Variants in MEGF6 observed in about 807,000 individuals in gnomAD.
The protein encoded by MEGF6 is multiple EGF like domains 6.
A neutral mutation model predicts 207.1 loss-of-function variants in MEGF6; 184 were observed. The ratio of observed to expected loss-of-function variants is 0.89; its 90% CI spans 0.79 to 1.00. The LOEUF is 1.00. Among genes scored for constraint, MEGF6 ranks in the 50% least tolerant of loss-of-function variants. The pLI is 0.00. For missense variants in MEGF6, 2,282 were observed against 2,202.9 expected (o/e 1.04, Z -0.72); for synonymous variants, 1,038 against 910.0 (o/e 1.14, Z -2.53).
intron 3 of MEGF6, among the ~76,000 whole-genome samples, chr1:3,592,175 C>T (rs1643989879): frequency 6.6e-6 from 1 of 152,220 alleles, no homozygotes; most frequent in Non-Finnish European, 1.5e-5. Flanking sequence ...TAGAGAGAGG[C>T]TGGCACGGTG....
At chr1:3,613,916 T>C (rs1314586634), upstream of MEGF6, among the ~76,000 whole-genome samples, 1 of 151,666 alleles carries the variant, frequency 6.6e-6, no homozygotes, top group Non-Finnish European at 1.5e-5. Context: ...TGCTGTGCTC[T>C]CCTGTCCCAG....
At chr1:3,498,936 G>A (rs981814067) in intron 24 of MEGF6, 110 bp from the exon 25 acceptor site, 10 of 1,454,620 alleles carry the variant, frequency 6.9e-6, no homozygotes, top group Non-Finnish European at 9.2e-6. Context: ...ACCTTGCAGG[G>A]GGCTGCCCCT....
chr1:3,496,202 G>A (rs1640599845), intron 29 of MEGF6, among the ~76,000 whole-genome samples, 184 bp from the exon 30 acceptor site: 1 of 152,206 alleles, frequency 6.6e-6, no homozygotes, highest in South Asian at 2.1e-4. Flanking sequence ...AGGCCTGCTG[G>A]GGGCCAGGCC....
rs1404363243 is a variant in MEGF6 at position 3,505,605 on chromosome 1, T to TC, written c.1919-50dup. 1.3e-5 allele frequency: 19 copies of TC among 1,492,474 alleles called. No homozygotes were observed. In the Admixed American group the frequency reaches 4.1e-4, roughly 32 times the overall value. The allele number at this position is 1,492,474 out of a possible 1,614,324, so 92.5% of individuals were successfully genotyped here. A position where few individuals can be genotyped will look rare whatever the true frequency, so the allele number is the denominator to read the frequency against. Reference sequence around the variant, plus strand: ...GGGGCTCCCGTCTGAAGCCCCACCCTCCCAGACCGCTTCCACCAGCCCTGG... The same window carrying TC: ...GGGGCTCCCGTCTGAAGCCCCACCCTCCCCAGACCGCTTCCACCAGCCCTGG... On this transcript the variant is annotated intron_variant, in intron 15 of 36. Coordinates refer to ENST00000356575, the MANE Select transcript of MEGF6 (RefSeq NM_001409.4).
chr1:3,601,522 G>A (rs1253699463), intron 2 of MEGF6, among the ~76,000 whole-genome samples: 1 of 152,182 alleles, frequency 6.6e-6, no homozygotes, highest in Non-Finnish European at 1.5e-5. Flanking sequence ...CAGCCCTCCT[G>A]GTACTGGGCC....
Position 3,493,621 on chromosome 1 carries a change from GCC to G in MEGF6, c.4387+148_4387+149del, listed in dbSNP as rs371844657. ...CCGCATGTCCCAGCAGCTGACTCCA[GCC>G]CCCCCAGGGGGCACAGTCCAGGTGC... On this transcript the variant is annotated intron_variant, in intron 34 of 36. Transcript: ENST00000356575. The G allele has an allele frequency of 9.7e-4, 1,087 of 1,123,574 alleles. 4 individuals carry two copies. In the African/African-American group the frequency reaches 0.015, roughly 16 times the overall value. 69.6% of individuals were successfully genotyped at this position (1,123,574 alleles called of 1,614,324 possible).
chr1:3,503,039 G>T (rs573616803), intron 17 of MEGF6, among the ~76,000 whole-genome samples: 1 of 152,186 alleles, frequency 6.6e-6, no homozygotes, highest in South Asian at 2.1e-4. Flanking sequence ...CAGAGCCCAC[G>T]TGTCAGAAGG....
the MEGF6 span, among the ~76,000 whole-genome samples, chr1:3,618,461 C>G: frequency 6.6e-6 from 1 of 152,150 alleles, no homozygotes; most frequent in Non-Finnish European, 1.5e-5. This position sits in a 1 kb window ranked among gnomAD's most constrained non-coding sequence, Gnocchi z 4.7. Flanking sequence ...GGAAGCAGCG[C>G]AAAACCATCC....
chr1:3,510,711 G>T lies in MEGF6; in HGVS notation c.1234+72C>A, dbSNP rs1641310008. ...GCCCACCATGGGGGTACCAGAGCCA[G>T]CCCCGTGTCCTTCCTTAGGGCAGCC... On this transcript the variant is annotated intron_variant, in intron 10 of 36. Transcript: ENST00000356575. The T allele has an allele frequency of 2.0e-6, 3 of 1,524,376 alleles. No homozygotes were observed. The Admixed American group carries it at 5.8e-5, about 29-fold the overall frequency. The allele number at this position is 1,524,376 out of a possible 1,614,324, so 94.4% of individuals were successfully genotyped here.
the MEGF6 span, among the ~76,000 whole-genome samples, chr1:3,617,359 C>CGG: frequency 1.3e-5 from 2 of 151,924 alleles, no homozygotes; most frequent in East Asian, 1.9e-4. Flanking sequence ...CCCCTGCCAC[C>CGG]CGTGAATGTG....
Position 3,595,091 on chromosome 1 carries a change from C to T in MEGF6, c.376+247G>A, listed in dbSNP as rs537826783. Among the ~76,000 whole-genome samples, 38 of 152,340 alleles carry T rather than the reference C, an allele frequency of 2.5e-4. No homozygotes were observed. The South Asian group carries it at 6.2e-3, about 25-fold the overall frequency. On this transcript the variant is annotated intron_variant, in intron 3 of 36. Transcript: ENST00000356575. ...ACCCTGCCAATGGCAGGCTCCTGTC[C>T]TCCGGCAGAGCCAGCAAAGTGGACT... is the stretch of plus-strand genomic sequence containing the variant.
intron 5 of MEGF6, among the ~76,000 whole-genome samples, chr1:3,521,499 A>ATCCCAGGCCGGCG (rs1553195583): frequency 6.6e-6 from 1 of 152,020 alleles, no homozygotes; most frequent in African/African-American, 2.4e-5. Flanking sequence ...CACCCTCCCC[A>ATCCCAGGCCGGCG]TCCCAGGCCG....
At chr1:3,497,533 G>A (rs1392913884) in intron 26 of MEGF6, 172 bp from the exon 27 acceptor site, 1 of 948,046 alleles carries the variant, frequency 1.1e-6, no homozygotes, top group East Asian at 2.6e-5. Context: ...GAGGGCAGAG[G>A]CAGGCCCCGG....
upstream of MEGF6, among the ~76,000 whole-genome samples, chr1:3,614,971 A>G (rs914745350): frequency 4.6e-5 from 7 of 152,204 alleles, no homozygotes; most frequent in Non-Finnish European, 7.3e-5. Context: ...CATTCCCAGG[A>G]TGAGACAGAA....
At chr1:3,581,790 G>A (rs1162358166) in intron 3 of MEGF6, among the ~76,000 whole-genome samples, 2 of 152,058 alleles carry the variant, frequency 1.3e-5, no homozygotes, top group Non-Finnish European at 2.9e-5. Context: ...GGAGCCTGGG[G>A]AAAAGCAGCC....
At chr1:3,521,336 G>A (rs576952733) in intron 5 of MEGF6, among the ~76,000 whole-genome samples, 115 of 152,276 alleles carry the variant, frequency 7.6e-4, no homozygotes, top group African/African-American at 2.5e-3. Flanking sequence ...CTCCCCAGGG[G>A]CCAGAAATCC....
intron 21 of MEGF6, among the ~76,000 whole-genome samples, chr1:3,500,138 G>A (rs572466608): frequency 6.6e-6 from 1 of 152,342 alleles, no homozygotes; most frequent in African/African-American, 2.4e-5. Flanking sequence ...ATCAGCTTTA[G>A]GGATGGGAAC....
the MEGF6 span, among the ~76,000 whole-genome samples, chr1:3,616,986 A>G: frequency 2.0e-5 from 3 of 152,308 alleles, no homozygotes; most frequent in East Asian, 1.9e-4. Context: ...AAGCACAGCT[A>G]TTGTTCTGAG....
Position 3,560,005 on chromosome 1 carries a change from G to A in MEGF6, c.481+19820C>T, listed in dbSNP as rs1163286970. 5.8e-5 allele frequency among the ~76,000 whole-genome samples: 8 copies of A among 137,928 alleles called. No homozygotes were observed. Among genetic ancestry groups the A allele is most frequent in the East Asian group, 4.3e-4 (2 of 4,628 alleles). 90.5% of individuals were successfully genotyped at this position (137,928 alleles called of 152,430 possible). ...AGCCTGGGCAACAGTATGAGAGTCC[G>A]TCTCAAAATAAAAGAAAAAAAAAAA... On this transcript the variant is annotated intron_variant, in intron 4 of 36. Coordinates refer to ENST00000356575, the MANE Select transcript of MEGF6 (RefSeq NM_001409.4). This position sits in a 1 kb window ranked among gnomAD's most constrained non-coding sequence, Gnocchi z 4.0.
Sources: allele counts gnomAD v4.1 joint callset (sites outside exome capture counted in the v4.1 genomes callset), GRCh38; gene constraint gnomAD v4.1.1; non-coding constraint Gnocchi (gnomAD v3.1); transcripts MANE v1.5; gene names NCBI Gene and HGNC (gene_info 2026-07-23, HGNC 2026-07-21).